ZNF471: variants seen among roughly 807,000 people sequenced by gnomAD.
ZNF471 encodes EZFIT-related protein 1.
ZNF471 carries 7 observed loss-of-function variants against 13.7 expected under a neutral mutation model. That is an observed-to-expected ratio of 0.51 (90% CI 0.29 to 0.96). ZNF471 has a LOEUF of 0.96. Ranked by LOEUF, ZNF471 falls within the 40% of genes least tolerant of loss-of-function variation. The pLI is 0.08. For missense variants in ZNF471, 663 were observed against 743.3 expected, an observed-to-expected ratio of 0.89 and a Z score of 1.26; for synonymous variants, 218 against 235.6, an observed-to-expected ratio of 0.93 and a Z score of 0.68.
chr19:56,511,525 T>A lies in ZNF471; in HGVS notation c.-47T>A. The stretch of plus-strand genomic sequence containing the variant: ...CCTTTCCCTTCCTTCAGCCTTGCCC[T>A]CCCAAGACACTGTTCTTCAAGAGAA... On this transcript the variant is annotated 5_prime_UTR_variant, in exon 2 of 5. Coordinates refer to ENST00000308031, the MANE Select transcript of ZNF471 (RefSeq NM_020813.4). 1 of 1,612,966 alleles carries A rather than the reference T, an allele frequency of 6.2e-7. No homozygotes were observed. The highest frequency in any genetic ancestry group is 8.5e-7 in the Non-Finnish European group (1 of 1,179,400).
In ZNF471 at chr19:56,516,694, A is replaced by T. The variant is rs2043893217; in HGVS notation, c.160+293A>T. Among the ~76,000 whole-genome samples, 1 of 152,220 alleles carries T rather than the reference A, an allele frequency of 6.6e-6. No homozygotes were observed. The highest frequency in any genetic ancestry group is 1.5e-5 in the Non-Finnish European group (1 of 68,042). Reference sequence around the variant, plus strand: ...TCTCTCCTACAGAATTACTATCACCACTAGACAACAACAAGGTTCACAAAG... The same window carrying T: ...TCTCTCCTACAGAATTACTATCACCTCTAGACAACAACAAGGTTCACAAAG... On this transcript the variant is annotated intron_variant, in intron 3 of 4. Transcript: ENST00000308031. The surrounding 1 kb of genome is among the most constrained non-coding windows in gnomAD (Gnocchi z 4.4).
rs768391253 is a variant in ZNF471 at position 56,525,079 on chromosome 19, A to T, written c.1012A>T (p.Arg338Ter). ...TGGCTCGTCTTTTGCTCGACATCAG[A>T]GATGTCACACTGGCAAAAGACCCTA... ...SDGSSFARHQRCHTGKRPYEC... is the reference protein window; with the variant it reads ...SDGSSFARHQ The change falls in exon 5 of 5, where the codon AGA becomes TGA. Residue 338 changes from arginine to a stop codon, truncating the protein, a stop_gained. Coordinates refer to ENST00000308031, the MANE Select transcript of ZNF471 (RefSeq NM_020813.4). LOFTEE classifies it low-confidence loss of function (END_TRUNC). The T allele has an allele frequency of 1.3e-5, 21 of 1,613,900 alleles. No homozygotes were observed. The highest frequency in any genetic ancestry group is 1.8e-5 in the Non-Finnish European group (21 of 1,179,970).
intron 2 of ZNF471, among the ~76,000 whole-genome samples, chr19:56,514,630 T>C (rs932227651): frequency 1.3e-5 from 2 of 150,158 alleles, no homozygotes; most frequent in Non-Finnish European, 3.0e-5. Flanking sequence ...AAAGTTCCTT[T>C]TTCATCACAT....
chr19:56,513,642 T>G (rs1411513812), intron 2 of ZNF471, among the ~76,000 whole-genome samples: 2 of 152,154 alleles, frequency 1.3e-5, no homozygotes, highest in East Asian at 3.8e-4. Context: ...TCCTTTTAGC[T>G]CCTTAAAAAT....
At position 56,524,881 on chromosome 19, in the gene ZNF471, A is replaced by C. The variant is rs2044023413; in HGVS notation, c.814A>C (p.Lys272Gln). Residue 272 changes from lysine (K) to glutamine (Q), a missense_variant, in exon 5 of 5, where the codon AAA becomes CAA. Transcript: ENST00000308031. This position sits in a 1 kb window ranked among gnomAD's most constrained non-coding sequence, Gnocchi z 4.8. Reference protein sequence around the residue: ...FECKECRKAFKQSEHLIQHQR... With the variant: ...FECKECRKAFQQSEHLIQHQR... Reference sequence around the variant, plus strand: ...ATGTAAAGAATGTAGGAAAGCCTTCAAACAAAGTGAACACCTTATTCAGCA... The same window carrying C: ...ATGTAAAGAATGTAGGAAAGCCTTCCAACAAAGTGAACACCTTATTCAGCA... 6.2e-7 allele frequency: 1 copy of C among 1,611,304 alleles called. No individual in the cohort carries two copies. The highest frequency in any genetic ancestry group is 1.7e-5 in the Admixed American group (1 of 59,468).
intron 1 of ZNF471, 126 bp from the exon 2 acceptor site, chr19:56,511,391 C>A: frequency 3.1e-6 from 2 of 652,354 alleles, no homozygotes; most frequent in East Asian, 2.9e-5. Context: ...CTTCAGTGGC[C>A]ATAGGTTGCT....
chr19:56,514,432 AATTAC>A (rs1200032926), intron 2 of ZNF471, among the ~76,000 whole-genome samples: 6 of 152,068 alleles, frequency 3.9e-5, no homozygotes, highest in African/African-American at 1.4e-4. Context: ...CTATCTAGGA[AATTAC>A]ATTACATTTA....
At chr19:56,518,355 C>T (rs1380437160) in intron 3 of ZNF471, 127 bp from the exon 4 acceptor site, 15 of 699,834 alleles carry the variant, frequency 2.1e-5, no homozygotes, top group Non-Finnish European at 3.4e-5. Flanking sequence ...GTAGTCTGTC[C>T]TTCAGATGTG....
chr19:56,515,594 T>C (rs2043874353), intron 2 of ZNF471, among the ~76,000 whole-genome samples: 1 of 152,242 alleles, frequency 6.6e-6, no homozygotes, highest in Admixed American at 6.5e-5. Context: ...ACCTTGTCTT[T>C]AGTTATATTT....
At position 56,511,546 on chromosome 19, in the gene ZNF471, G is replaced by A. The variant is rs1454384896; in HGVS notation, c.-26G>A. ...GCCCTCCCAAGACACTGTTCTTCAA[G>A]AGAAAGACCAGAAGAGAAGGCAAAA... On this transcript the variant is annotated 5_prime_UTR_variant, in exon 2 of 5. Transcript: ENST00000308031. The A allele has an allele frequency of 6.2e-7, 1 of 1,613,710 alleles. No individual in the cohort carries two copies. The highest frequency in any genetic ancestry group is 1.3e-5 in the African/African-American group (1 of 74,922).
At position 56,508,754 on chromosome 19, in the gene ZNF471, ACT is replaced by A. The variant is rs202246494; in HGVS notation, c.-56+835_-56+836del. ...AGGCCGTGTTATGTGTGTCTGACAG[ACT>A]GAGAGAGACCAGAGTGTGAGACCAG... On this transcript the variant is annotated intron_variant, in intron 1 of 4. Coordinates refer to ENST00000308031, the MANE Select transcript of ZNF471 (RefSeq NM_020813.4). This position sits in a 1 kb window ranked among gnomAD's most constrained non-coding sequence, Gnocchi z 4.7. 3.3e-5 allele frequency among the ~76,000 whole-genome samples: 5 copies of A among 150,940 alleles called. No homozygotes were observed. The highest frequency in any genetic ancestry group is 1.2e-4 in the African/African-American group (5 of 40,784).
Position 56,516,514 on chromosome 19 carries a change from T to A in ZNF471, c.160+113T>A, listed in dbSNP as rs1374087720. 3 of 980,020 alleles carry A rather than the reference T, an allele frequency of 3.1e-6. No homozygotes were observed. Among genetic ancestry groups the A allele is most frequent in the Non-Finnish European group, 4.4e-6 (3 of 676,346 alleles). 60.7% of individuals were successfully genotyped at this position (980,020 alleles called of 1,614,324 possible). On this transcript the variant is annotated intron_variant, in intron 3 of 4. Transcript: ENST00000308031. This position sits in a 1 kb window ranked among gnomAD's most constrained non-coding sequence, Gnocchi z 4.4. ...CAGAATGGAATTTGGGAATGGAATC[T>A]GAGAAACAGAGGATATTGAGGGACT...
intron 4 of ZNF471, among the ~76,000 whole-genome samples, 181 bp downstream of exon 4, chr19:56,518,758 G>A (rs1377726897): frequency 2.0e-5 from 3 of 152,070 alleles, no homozygotes; most frequent in Admixed American, 6.5e-5. Flanking sequence ...CCACTTGACT[G>A]TCTTCTCTCT....
chr19:56,508,104 G>A lies in ZNF471; in HGVS notation c.-56+184G>A. On this transcript the variant is annotated intron_variant, in intron 1 of 4. Transcript: ENST00000308031. The surrounding 1 kb of genome is among the most constrained non-coding windows in gnomAD (Gnocchi z 4.7). The stretch of plus-strand genomic sequence containing the variant: ...CTGCGGGGCGGAGGCCGCGGCTCGG[G>A]GCTGCTGGGCGTTCGGGGCGGCTTG... The A allele has an allele frequency of 1.0e-6, 1 of 985,436 alleles. No homozygotes were observed. Among genetic ancestry groups the A allele is most frequent in the Non-Finnish European group, 1.2e-6 (1 of 829,934 alleles). 61.0% of individuals were successfully genotyped at this position (985,436 alleles called of 1,614,324 possible).
intron 4 of ZNF471, among the ~76,000 whole-genome samples, chr19:56,523,038 T>C: frequency 6.6e-6 from 1 of 152,222 alleles, no homozygotes; most frequent in East Asian, 1.9e-4. Context: ...ACCTGGCCGA[T>C]GTTGCAATAA....
At chr19:56,513,487 T>TAA (rs141946305) in intron 2 of ZNF471, among the ~76,000 whole-genome samples, 22,075 of 152,232 alleles carry the variant, frequency 0.15, 1,825 homozygotes, top group Middle Eastern at 0.21. Flanking sequence ...ATATGTCACT[T>TAA]ATGCTTTAAT....
intron 2 of ZNF471, among the ~76,000 whole-genome samples, chr19:56,512,709 G>T (rs1299566751): frequency 6.6e-6 from 1 of 151,808 alleles, no homozygotes; most frequent in African/African-American, 2.4e-5. Context: ...ATATTATATT[G>T]CACATGTATA....
chr19:56,512,731 A>G (rs2043828486), intron 2 of ZNF471, among the ~76,000 whole-genome samples: 1 of 152,174 alleles, frequency 6.6e-6, no homozygotes. Flanking sequence ...GAAACAATGT[A>G]TAAAAAGGAA....
rs2043812624 is a variant in ZNF471, at chr19:56,511,589, A to G, written c.18A>G (p.Val6=). 1 of 1,613,714 alleles carries G rather than the reference A, an allele frequency of 6.2e-7. No homozygotes were observed. Among genetic ancestry groups the G allele is most frequent in the Non-Finnish European group, 8.5e-7 (1 of 1,179,726 alleles). MNVEV[V]KVMPQDLVTF... Reference sequence around the variant, plus strand: ...AGGCAAAAATGAATGTTGAAGTAGTAAAAGTCATGCCCCAGGTTAGTGGAT... The same window carrying G: ...AGGCAAAAATGAATGTTGAAGTAGTGAAAGTCATGCCCCAGGTTAGTGGAT... The change falls in exon 2 of 5, where the codon GTA becomes GTG. Residue 6 remains valine (V), a synonymous_variant. Coordinates refer to ENST00000308031, the MANE Select transcript of ZNF471 (RefSeq NM_020813.4).
Sources: gnomAD v4.1 joint callset for allele counts (sites outside exome capture counted in the v4.1 genomes callset) on GRCh38, gnomAD v4.1.1 for gene constraint, Gnocchi (gnomAD v3.1) non-coding constraint, MANE v1.5 for transcripts, NCBI Gene and HGNC (gene_info 2026-07-23, HGNC 2026-07-21) for gene names.